The following CPNE4 variants were observed in gnomAD, a reference collection of about 807,000 sequenced individuals.
The protein encoded by CPNE4 is copine-4.
Under a neutral mutation model 67.9 loss-of-function variants are expected in CPNE4, and 25 were observed. The observed-to-expected ratio is 0.37, with a 90% CI of 0.27 to 0.51. The LOEUF is 0.51. Among genes scored for constraint, CPNE4 ranks in the 20% least tolerant of loss-of-function variants. CPNE4 has a pLI of 0.93. For missense variants in CPNE4, 464 were observed against 690.8 expected, an observed-to-expected ratio of 0.67 and a Z score of 3.68; for synonymous variants, 242 against 244.9, an observed-to-expected ratio of 0.99 and a Z score of 0.11.
At chr3:131,802,099 G>A (rs1265438983) in intron 2 of CPNE4, among the ~76,000 whole-genome samples, 2 of 152,200 alleles carry the variant, frequency 1.3e-5, no homozygotes, top group African/African-American at 2.4e-5. Context: ...AAGGACTTTG[G>A]TGAGAATCAG....
chr3:131,824,966 C>G (rs2085096306), intron 2 of CPNE4, among the ~76,000 whole-genome samples: 1 of 152,064 alleles, frequency 6.6e-6, no homozygotes, highest in Non-Finnish European at 1.5e-5. Context: ...AAATGTGATA[C>G]TTGAACTTCC....
chr3:131,920,767 A>G (rs6805937), intron 1 of CPNE4, among the ~76,000 whole-genome samples: 11,880 of 152,180 alleles, frequency 0.078, 510 homozygotes, highest in Middle Eastern at 0.16. Context: ...AAATGTTCTG[A>G]AACAAATGTT....
intron 1 of CPNE4, among the ~76,000 whole-genome samples, chr3:131,980,766 G>A (rs542599661): frequency 6.6e-6 from 1 of 152,218 alleles, no homozygotes; most frequent in South Asian, 2.1e-4. Flanking sequence ...GGGTGTTCAT[G>A]AGTCTTGTTT....
chr3:131,824,916 A>G (rs75302044), intron 2 of CPNE4, among the ~76,000 whole-genome samples: 4,798 of 152,128 alleles, frequency 0.032, 180 homozygotes, highest in South Asian at 0.093. Context: ...TGAAGTCTTA[A>G]AGGAACTACT....
At chr3:131,891,683 CCTGTT>C (rs2088122650) in intron 2 of CPNE4, among the ~76,000 whole-genome samples, 1 of 152,026 alleles carries the variant, frequency 6.6e-6, no homozygotes, top group African/African-American at 2.4e-5. Flanking sequence ...TATTTGGTTT[CCTGTT>C]CTGGTGTTAG....
At chr3:131,858,107 T>A in intron 2 of CPNE4, among the ~76,000 whole-genome samples, 1 of 152,120 alleles carries the variant, frequency 6.6e-6, no homozygotes, top group Middle Eastern at 3.2e-3. Context: ...CACAATTATA[T>A]CTTCAAACTT....
chr3:131,573,109 C>T (rs1487095963), intron 10 of CPNE4, among the ~76,000 whole-genome samples: 1 of 152,076 alleles, frequency 6.6e-6, no homozygotes, highest in African/African-American at 2.4e-5. Flanking sequence ...TTTAGTAGAA[C>T]ACTGGGAATA....
At chr3:131,608,925 C>T (rs1939662452) in intron 7 of CPNE4, among the ~76,000 whole-genome samples, 1 of 152,050 alleles carries the variant, frequency 6.6e-6, no homozygotes, top group African/African-American at 2.4e-5. Context: ...GGCATTCTTT[C>T]CTACTTATGT....
intron 2 of CPNE4, among the ~76,000 whole-genome samples, chr3:131,780,850 A>G (rs1312204054): frequency 6.6e-6 from 1 of 152,084 alleles, no homozygotes; most frequent in Admixed American, 6.6e-5. Context: ...TTGGAAAGAA[A>G]AAAAAGACAG....
intron 2 of CPNE4, among the ~76,000 whole-genome samples, chr3:131,787,708 A>G (rs891991658): frequency 4.6e-5 from 7 of 152,168 alleles, no homozygotes; most frequent in South Asian, 2.1e-4. Context: ...GCAATTACCA[A>G]GATGTCTGCC....
At chr3:131,546,391 A>G (rs368732649) in intron 14 of CPNE4, among the ~76,000 whole-genome samples, 47 of 152,244 alleles carry the variant, frequency 3.1e-4, no homozygotes, top group African/African-American at 1.1e-3. Context: ...AAAGAGGGGC[A>G]TTTTTTACCT....
intron 2 of CPNE4, among the ~76,000 whole-genome samples, chr3:131,877,311 A>G (rs976645181): frequency 6.6e-6 from 1 of 152,214 alleles, no homozygotes; most frequent in South Asian, 2.1e-4. Flanking sequence ...CCAGGGGGCA[A>G]CAACCATGAA....
intron 1 of CPNE4, among the ~76,000 whole-genome samples, chr3:131,939,634 C>A (rs1332726681): frequency 1.3e-5 from 2 of 152,128 alleles, no homozygotes; most frequent in African/African-American, 4.8e-5. Flanking sequence ...TCAAAACTTT[C>A]TCAGTTTGGA....
At chr3:131,846,152 A>G (rs1432610947) in intron 2 of CPNE4, among the ~76,000 whole-genome samples, 4 of 152,174 alleles carry the variant, frequency 2.6e-5, no homozygotes, top group Non-Finnish European at 5.9e-5. Context: ...AATTTCCTAT[A>G]TGTAAAAATA....
intron 7 of CPNE4, among the ~76,000 whole-genome samples, chr3:131,650,349 A>T (rs1368703577): frequency 6.6e-6 from 1 of 152,202 alleles, no homozygotes; most frequent in Non-Finnish European, 1.5e-5. Flanking sequence ...AAACATGACT[A>T]CTAGAGGGTG....
At chr3:131,940,875 T>C (rs777814041) in intron 1 of CPNE4, among the ~76,000 whole-genome samples, 2 of 152,126 alleles carry the variant, frequency 1.3e-5, no homozygotes, top group Non-Finnish European at 2.9e-5. Flanking sequence ...AAGTAAATCC[T>C]GCTTACCAGT....
Position 131,875,597 on chromosome 3 carries a change from C to G in CPNE4, c.180+29667G>C, listed in dbSNP as rs1334468705. ...ATCGCAAGGACAAAAAACCAAACAC[C>G]GCATGTTCTCACTCATAGGTGGGAA... On this transcript the variant is annotated intron_variant, in intron 2 of 15. Transcript: ENST00000429747. Among the ~76,000 whole-genome samples, 3 of 151,728 alleles carry G rather than the reference C, an allele frequency of 2.0e-5. No homozygotes were observed. The South Asian group carries it at 6.3e-4, about 32-fold the overall frequency.
chr3:131,685,668 G>A (rs773275976), intron 6 of CPNE4, among the ~76,000 whole-genome samples: 1 of 152,132 alleles, frequency 6.6e-6, no homozygotes, highest in African/African-American at 2.4e-5. Context: ...TGTAGTCCCA[G>A]CTACTCAGGA....
At chr3:132,004,323 G>A (rs1290155318) in intron 1 of CPNE4, among the ~76,000 whole-genome samples, 2 of 151,946 alleles carry the variant, frequency 1.3e-5, no homozygotes, top group Non-Finnish European at 2.9e-5. Flanking sequence ...AGAAAATCAA[G>A]ATAACCCTTA....
Sources: allele counts gnomAD v4.1 joint callset (sites outside exome capture counted in the v4.1 genomes callset), GRCh38; gene constraint gnomAD v4.1.1; transcripts MANE v1.5; gene names NCBI Gene and HGNC (gene_info 2026-07-23, HGNC 2026-07-21).